The following BCAS3 variants were observed in gnomAD, a reference collection of about 807,000 sequenced individuals.
BCAS3 encodes BCAS4/BCAS3 fusion.
In BCAS3, 53 loss-of-function variants were observed where a neutral mutation model predicts 116.1. The observed-to-expected ratio is 0.46, with a 90% CI of 0.37 to 0.57. BCAS3 has a LOEUF of 0.57. Ranked by LOEUF, BCAS3 falls within the 20% of genes least tolerant of loss-of-function variation. BCAS3 has a pLI of 0.00. For synonymous variants in BCAS3, 391 were observed against 408.2 expected (o/e 0.96, Z 0.51); for missense variants, 917 against 1,165.4 (o/e 0.79, Z 3.10).
intron 4 of BCAS3, among the ~76,000 whole-genome samples, chr17:60,707,288 C>T (rs1172107002): frequency 1.3e-5 from 2 of 151,954 alleles, no homozygotes; most frequent in African/African-American, 2.4e-5. Flanking sequence ...CCACCACGCC[C>T]GGCCAATTTT....
chr17:60,948,426 C>T (rs2060645334), intron 14 of BCAS3, among the ~76,000 whole-genome samples: 1 of 151,934 alleles, frequency 6.6e-6, no homozygotes, highest in African/African-American at 2.4e-5. Context: ...GCCTGGCCCA[C>T]ATATATTTAA....
At chr17:61,374,740 A>C (rs749297935) in intron 23 of BCAS3, among the ~76,000 whole-genome samples, 1 of 152,196 alleles carries the variant, frequency 6.6e-6, no homozygotes, top group Non-Finnish European at 1.5e-5. Flanking sequence ...TTCCTGACCT[A>C]GTTCACCCAC....
rs199905153 is a variant in BCAS3, at chr17:61,122,942, CTTTT to C, written c.2425+38391_2425+38394del. Reference sequence around the variant, plus strand: ...GAAAGATTCCACATTATGGGTAAGTCTTTTTTTTTTTTTTTTGAGATGGAGTTTT... The same window carrying C: ...GAAAGATTCCACATTATGGGTAAGTCTTTTTTTTTTTTGAGATGGAGTTTT... On this transcript the variant is annotated intron_variant, in intron 22 of 23. Transcript: ENST00000407086. This position sits in a 1 kb window ranked among gnomAD's most constrained non-coding sequence, Gnocchi z 4.6. Among the ~76,000 whole-genome samples the C allele has an allele frequency of 1.5e-5, 2 of 136,262 alleles. No individual in the cohort carries two copies. The highest frequency in any genetic ancestry group is 1.6e-5 in the Non-Finnish European group (1 of 62,134). 89.4% of individuals were successfully genotyped at this position (136,262 alleles called of 152,430 possible). A position where few individuals can be genotyped will look rare whatever the true frequency, so the allele number is the denominator to read the frequency against.
rs1016256194 is a variant in BCAS3 at position 61,378,306 on chromosome 17, C to T, written c.2593+9812C>T. The T allele has an allele frequency of 6.6e-6, 1 of 152,326 alleles. No homozygotes were observed. Among genetic ancestry groups the T allele is most frequent in the Non-Finnish European group, 1.5e-5 (1 of 68,134 alleles). The allele number at this position is 152,326 out of a possible 1,614,324, so 9.4% of individuals were successfully genotyped here. The stretch of plus-strand genomic sequence containing the variant: ...CCGCTGCCCTCCCATCCTGCCCAGT[C>T]GTCGTCTTAGGCCAAGCTCAAATCT... On this transcript the variant is annotated intron_variant, in intron 23 of 23. Coordinates refer to ENST00000407086, the MANE Select transcript of BCAS3 (RefSeq NM_017679.5). The surrounding 1 kb of genome is among the most constrained non-coding windows in gnomAD (Gnocchi z 5.8).
intron 4 of BCAS3, among the ~76,000 whole-genome samples, chr17:60,705,340 G>A (rs573503934): frequency 5.9e-5 from 9 of 152,120 alleles, no homozygotes; most frequent in African/African-American, 7.2e-5. Context: ...CCAACATGGC[G>A]AAACCCTGTC....
At chr17:61,067,903 T>C (rs1051850725) in intron 19 of BCAS3, among the ~76,000 whole-genome samples, 3 of 152,198 alleles carry the variant, frequency 2.0e-5, no homozygotes, top group East Asian at 3.9e-4. Context: ...CTCATAATGA[T>C]CTACTCATCC....
At chr17:60,718,844 G>A (rs2094106221) in intron 5 of BCAS3, among the ~76,000 whole-genome samples, 1 of 152,094 alleles carries the variant, frequency 6.6e-6, no homozygotes, top group African/African-American at 2.4e-5. Context: ...GGCAGATCAC[G>A]AGGCCAGGAG....
chr17:61,215,359 C>G lies in BCAS3; in HGVS notation c.2425+130795C>G, dbSNP rs1308148380. On this transcript the variant is annotated intron_variant, in intron 22 of 23. Coordinates refer to ENST00000407086, the MANE Select transcript of BCAS3 (RefSeq NM_017679.5). The surrounding 1 kb of genome is among the most constrained non-coding windows in gnomAD (Gnocchi z 4.8). Reference sequence around the variant, plus strand: ...TACTCATCACTGTCAGTAACTAGCTCTCTGTCCTTCTGACACTTCACCTCT... The same window carrying G: ...TACTCATCACTGTCAGTAACTAGCTGTCTGTCCTTCTGACACTTCACCTCT... Among the ~76,000 whole-genome samples, 1 of 152,190 alleles carries G rather than the reference C, an allele frequency of 6.6e-6. No homozygotes were observed. Among genetic ancestry groups the G allele is most frequent in the African/African-American group, 2.4e-5 (1 of 41,440 alleles).
intron 23 of BCAS3, chr17:61,389,829 G>A (rs996227555): frequency 1.3e-5 from 2 of 152,434 alleles, no homozygotes; most frequent in African/African-American, 4.8e-5. Context: ...GAGGCTGCTG[G>A]GGTATTTGCT....
intron 22 of BCAS3, among the ~76,000 whole-genome samples, chr17:61,260,190 G>T (rs1250610043): frequency 6.6e-6 from 1 of 152,184 alleles, no homozygotes; most frequent in Admixed American, 6.5e-5. Flanking sequence ...TGAAATCACT[G>T]TGGTATTTCA....
At position 61,388,993 on chromosome 17, in the gene BCAS3, C is replaced by G. The variant is rs1452386529; in HGVS notation, c.2594-2984C>G. On this transcript the variant is annotated intron_variant, in intron 23 of 23. Coordinates refer to ENST00000407086, the MANE Select transcript of BCAS3 (RefSeq NM_017679.5). This position sits in a 1 kb window ranked among gnomAD's most constrained non-coding sequence, Gnocchi z 6.5. ...TCATTCATTCATTCATTCATTCATT[C>G]ATTCATTCATGCTAGAAATGTTTAG... 1 of 414,080 alleles carries G rather than the reference C, an allele frequency of 2.4e-6. No individual in the cohort carries two copies. Among genetic ancestry groups the G allele is most frequent in the African/African-American group, 2.1e-5 (1 of 48,520 alleles). 25.7% of individuals were successfully genotyped at this position (414,080 alleles called of 1,614,324 possible). A position where few individuals can be genotyped will look rare whatever the true frequency, so the allele number is the denominator to read the frequency against.
intron 23 of BCAS3, among the ~76,000 whole-genome samples, chr17:61,371,685 A>C (rs985315907): frequency 6.6e-6 from 1 of 152,188 alleles, no homozygotes; most frequent in African/African-American, 2.4e-5. Context: ...TACATGATAA[A>C]TATATATAAT....
Position 60,741,974 on chromosome 17 carries a change from A to G in BCAS3, c.322-5224A>G, listed in dbSNP as rs115504533. Among the ~76,000 whole-genome samples the G allele has an allele frequency of 1.8e-3, 276 of 152,340 alleles. 1 individual carries two copies. The highest frequency in any genetic ancestry group is 6.0e-3 in the African/African-American group (249 of 41,584). ...TAAAACAGTGATCTCATACAACTAT[A>G]TAAGGGACAGATATCCTGCATTTTT... On this transcript the variant is annotated intron_variant, in intron 5 of 23. Transcript: ENST00000407086.
chr17:61,176,138 C>CA (rs534042215), intron 22 of BCAS3, among the ~76,000 whole-genome samples: 9,910 of 49,298 alleles, frequency 0.2, 932 homozygotes, highest in Non-Finnish European at 0.23. Context: ...GACCCTATCT[C>CA]AAAAAAAAAA....
At chr17:60,981,866 A>T (rs1055547332) in intron 14 of BCAS3, among the ~76,000 whole-genome samples, 1 of 152,144 alleles carries the variant, frequency 6.6e-6, no homozygotes, top group Non-Finnish European at 1.5e-5. Context: ...ATTTACTGTG[A>T]TATATTGCCT....
In BCAS3 at chr17:61,366,696, T is replaced by C. The variant is rs2058750707; in HGVS notation, c.2426-1631T>C. 6.6e-6 allele frequency among the ~76,000 whole-genome samples: 1 copy of C among 152,208 alleles called. No homozygotes were observed. On this transcript the variant is annotated intron_variant, in intron 22 of 23. Coordinates refer to ENST00000407086, the MANE Select transcript of BCAS3 (RefSeq NM_017679.5). This position sits in a 1 kb window ranked among gnomAD's most constrained non-coding sequence, Gnocchi z 4.5. ...CATTCTCAAGTCCTACCTGACAAGC[T>C]GATCCCAAGCAACCCACTCCTAAGG...
rs796264622 is a variant in BCAS3 at position 61,327,595 on chromosome 17, C to T, written c.2426-40732C>T. 4.6e-5 allele frequency among the ~76,000 whole-genome samples: 7 copies of T among 152,068 alleles called. No individual in the cohort carries two copies. Among genetic ancestry groups the T allele is most frequent in the African/African-American group, 1.4e-4 (6 of 41,476 alleles). Reference sequence around the variant, plus strand: ...CACAGTCTTGGCTTACTGCAACCTCCGCCTCCCGGGTTCAAGACATTCTCC... The same window carrying T: ...CACAGTCTTGGCTTACTGCAACCTCTGCCTCCCGGGTTCAAGACATTCTCC... On this transcript the variant is annotated intron_variant, in intron 22 of 23. Transcript: ENST00000407086. This position sits in a 1 kb window ranked among gnomAD's most constrained non-coding sequence, Gnocchi z 5.9.
chr17:60,833,493 C>A (rs915373861), intron 7 of BCAS3, among the ~76,000 whole-genome samples: 2 of 152,174 alleles, frequency 1.3e-5, no homozygotes, highest in African/African-American at 2.4e-5. Context: ...GTCAGAAACT[C>A]ACAGTTGCTG....
At chr17:60,931,855 T>C (rs893824276) in intron 13 of BCAS3, among the ~76,000 whole-genome samples, 2 of 152,090 alleles carry the variant, frequency 1.3e-5, no homozygotes, top group African/African-American at 2.4e-5. Context: ...GGTGGATAGC[T>C]TGAGCTCAGG....
Sources: allele counts gnomAD v4.1 joint callset (sites outside exome capture counted in the v4.1 genomes callset), GRCh38; gene constraint gnomAD v4.1.1; non-coding constraint Gnocchi (gnomAD v3.1); transcripts MANE v1.5; gene names NCBI Gene and HGNC (gene_info 2026-07-23, HGNC 2026-07-21).